LARGE1: variants seen among roughly 807,000 people sequenced by gnomAD.
LARGE1 encodes LARGE xylosyl- and glucuronyltransferase 1, also known as xylosyl- and glucuronyltransferase LARGE1.
In LARGE1, 43 loss-of-function variants were observed where a neutral mutation model predicts 87.6. The ratio of observed to expected loss-of-function variants is 0.49; its 90% confidence interval spans 0.38 to 0.63. The LOEUF is 0.63. Ranked by LOEUF, LARGE1 falls within the 30% of genes least tolerant of loss-of-function variation. LARGE1 has a pLI of 0.00. For missense variants in LARGE1, 802 were observed against 1,000.2 expected, an observed-to-expected ratio of 0.80 and a Z score of 2.67; for synonymous variants, 434 against 394.6, an observed-to-expected ratio of 1.10 and a Z score of -1.18.
At chr22:33,855,037 T>C (rs1307164370) in intron 1 of LARGE1, among the ~76,000 whole-genome samples, 1 of 152,052 alleles carries the variant, frequency 6.6e-6, no homozygotes, top group Non-Finnish European at 1.5e-5. Flanking sequence ...GAAGGTGGCA[T>C]ATAAAGTGGG....
chr22:33,082,882 G>A, the LARGE1 span, among the ~76,000 whole-genome samples: 60 of 152,158 alleles, frequency 3.9e-4, no homozygotes, highest in Non-Finnish European at 4.0e-4. Context: ...AAAATTAGCC[G>A]GGCGTGGTGG....
the LARGE1 span, among the ~76,000 whole-genome samples, chr22:33,090,323 A>G: frequency 6.6e-6 from 1 of 152,202 alleles, no homozygotes; most frequent in Non-Finnish European, 1.5e-5. Flanking sequence ...ATTATTCACT[A>G]TGTTAGAAAA....
intron 11 of LARGE1, among the ~76,000 whole-genome samples, chr22:33,188,637 A>T (rs1923613594): frequency 6.6e-6 from 1 of 152,216 alleles, no homozygotes; most frequent in African/African-American, 2.4e-5. Context: ...TCTGGACTCT[A>T]AATACAAGCA....
chr22:33,229,650 A>G (rs564117409), intron 11 of LARGE1, among the ~76,000 whole-genome samples: 1 of 152,280 alleles, frequency 6.6e-6, no homozygotes, highest in South Asian at 2.1e-4. Context: ...AGAAGGTGCA[A>G]GGACATATCT....
intron 10 of LARGE1, among the ~76,000 whole-genome samples, chr22:33,317,626 C>T (rs74529161): frequency 0.01 from 1,596 of 152,318 alleles, 27 homozygotes; most frequent in African/African-American, 0.036. Flanking sequence ...AAGAAGATAA[C>T]ATTTCAGATA....
chr22:33,228,406 G>A (rs1164019716), intron 11 of LARGE1, among the ~76,000 whole-genome samples: 2 of 152,220 alleles, frequency 1.3e-5, no homozygotes, highest in African/African-American at 2.4e-5. Context: ...TCTGCTTCTT[G>A]ACTAGTGTCT....
At chr22:33,495,649 G>A (rs922161388) in intron 6 of LARGE1, among the ~76,000 whole-genome samples, 1 of 151,874 alleles carries the variant, frequency 6.6e-6, no homozygotes, top group Non-Finnish European at 1.5e-5. Flanking sequence ...AACCTGGGAG[G>A]CGGAGGTTGC....
At chr22:33,879,603 A>G (rs1019381966) in intron 1 of LARGE1, among the ~76,000 whole-genome samples, 10 of 152,112 alleles carry the variant, frequency 6.6e-5, no homozygotes, top group African/African-American at 2.2e-4. Context: ...TTTCCCATCG[A>G]CTTATTCTGG....
chr22:33,650,753 A>C, intron 2 of LARGE1, 85 bp from the exon 3 acceptor site: 8 of 1,451,798 alleles, frequency 5.5e-6, no homozygotes, highest in Non-Finnish European at 7.6e-6. Flanking sequence ...CCCTTACTAC[A>C]TGGCGAGGCT....
intron 6 of LARGE1, among the ~76,000 whole-genome samples, chr22:33,457,086 A>C (rs1349275279): frequency 6.6e-6 from 1 of 152,144 alleles, no homozygotes; most frequent in Non-Finnish European, 1.5e-5. Flanking sequence ...AAACATACTT[A>C]AGAATGTATC....
At chr22:33,805,140 T>C (rs1302072947) in intron 1 of LARGE1, among the ~76,000 whole-genome samples, 1 of 152,186 alleles carries the variant, frequency 6.6e-6, no homozygotes, top group Non-Finnish European at 1.5e-5. Flanking sequence ...CCCTTGACTC[T>C]TCTTCCTCTG....
chr22:33,258,601 T>C (rs1191565773), intron 11 of LARGE1, among the ~76,000 whole-genome samples: 1 of 152,212 alleles, frequency 6.6e-6, no homozygotes, highest in Non-Finnish European at 1.5e-5. Flanking sequence ...AACAAATTAA[T>C]ACATTTACTA....
In LARGE1 at chr22:33,560,291, T is replaced by C. The variant is rs543414009; in HGVS notation, c.787+4557A>G. Among the ~76,000 whole-genome samples, 20 of 152,290 alleles carry C rather than the reference T, an allele frequency of 1.3e-4. No individual in the cohort carries two copies. In the East Asian group the frequency reaches 3.9e-3, roughly 29 times the overall value. On this transcript the variant is annotated intron_variant, in intron 6 of 14. Coordinates refer to ENST00000397394, the MANE Select transcript of LARGE1 (RefSeq NM_133642.5). ...GGCACAGACTAAGTGCTTAAACATG[T>C]TAGTTGTAAGGAACAACACAGAGTC...
chr22:33,150,768 G>A, the LARGE1 span, among the ~76,000 whole-genome samples: 2 of 152,062 alleles, frequency 1.3e-5, no homozygotes, highest in African/African-American at 2.4e-5. Context: ...TACTTGTATG[G>A]GCTTATGTGT....
intron 2 of LARGE1, among the ~76,000 whole-genome samples, chr22:33,730,822 A>C (rs142820228): frequency 0.016 from 2,477 of 151,488 alleles, 62 homozygotes; most frequent in African/African-American, 0.058. Flanking sequence ...CCTCCCAAGT[A>C]GCTGGGATTA....
chr22:33,485,745 C>A (rs956185873), intron 6 of LARGE1, among the ~76,000 whole-genome samples: 2 of 152,152 alleles, frequency 1.3e-5, no homozygotes, highest in African/African-American at 2.4e-5. Flanking sequence ...ATCCGTGAGG[C>A]TACTCTGATC....
intron 3 of LARGE1, among the ~76,000 whole-genome samples, chr22:33,640,596 C>T (rs149970652): frequency 0.013 from 2,053 of 152,134 alleles, 40 homozygotes; most frequent in African/African-American, 0.046. Flanking sequence ...TCGTTCACTC[C>T]CCTGGAAAGG....
In LARGE1 at chr22:33,304,342, C is replaced by A; in HGVS notation, c.1617G>T (p.Gln539His). The change falls in exon 12 of 15, where the codon CAG (glutamine) becomes CAT (histidine). Residue 539 changes from glutamine (Q) to histidine (H), a missense_variant. Around this residue, in one of 2 missense-constraint regions of LARGE1, gnomAD observed 625 missense variants for 841.9 expected, o/e 0.74. Transcript: ENST00000397394. ...VGYHIVYKEG[Q>H]FYPVNLLRNV... is the part of the protein sequence containing the mutation. ...TGCGCAGCAGGTTCACGGGGTAGAACTGGCCCTCCTTGTACACGATGTGGT... is the reference window on the plus strand; with the variant it reads ...TGCGCAGCAGGTTCACGGGGTAGAAATGGCCCTCCTTGTACACGATGTGGT... 6.2e-7 allele frequency: 1 copy of A among 1,614,286 alleles called. No homozygotes were observed. Among genetic ancestry groups the A allele is most frequent in the Non-Finnish European group, 8.5e-7 (1 of 1,180,050 alleles).
chr22:33,432,130 C>T (rs1601816217), intron 7 of LARGE1, 31 bp downstream of exon 7: 3 of 1,560,968 alleles, frequency 1.9e-6, no homozygotes, highest in South Asian at 1.1e-5. Flanking sequence ...TCACCTTCTG[C>T]AACTCTTCCC....
Sources: gnomAD v4.1 joint callset for allele counts (sites outside exome capture counted in the v4.1 genomes callset) on GRCh38, gnomAD v4.1.1 for gene constraint, gnomAD v4.1.1 regional missense constraint, MANE v1.5 for transcripts, NCBI Gene and HGNC (gene_info 2026-07-23, HGNC 2026-07-21) for gene names.